The following XIRP2 variants were observed in gnomAD, a reference collection of about 807,000 sequenced individuals.
XIRP2 encodes the protein xin actin-binding repeat-containing protein 2.
XIRP2 carries 236 observed loss-of-function variants against 277.0 expected under a neutral mutation model. The observed-to-expected ratio is 0.85, with a 90% CI of 0.77 to 0.95. The LOEUF (loss-of-function observed/expected upper bound fraction) is 0.95, where lower values mean the gene tolerates loss of function less well. XIRP2 is among the 40% of genes least tolerant of loss of function. The pLI, the probability that XIRP2 is intolerant of heterozygous loss-of-function variation, is 0.00. For missense variants in XIRP2, 4,640 were observed against 4,157.5 expected (o/e 1.12, Z -3.19); for synonymous variants, 1,490 against 1,416.5 (o/e 1.05, Z -1.17).
At chr2:166,908,003 C>A (rs2105341690) in intron 2 of XIRP2, among the ~76,000 whole-genome samples, 1 of 147,618 alleles carries the variant, frequency 6.8e-6, no homozygotes, top group South Asian at 2.2e-4. Context: ...TTTAGTTAAT[C>A]CAGTGTATCA....
intron 2 of XIRP2, among the ~76,000 whole-genome samples, chr2:167,046,972 A>T: frequency 6.6e-6 from 1 of 151,860 alleles, no homozygotes; most frequent in East Asian, 1.9e-4. Context: ...TTTTAAAAAC[A>T]CTATTCTCCA....
At chr2:166,938,224 G>A (rs910727581) in intron 2 of XIRP2, among the ~76,000 whole-genome samples, 5 of 152,204 alleles carry the variant, frequency 3.3e-5, no homozygotes, top group South Asian at 2.1e-4. Context: ...TTTCTCTTGT[G>A]GGCATTTAGT....
At chr2:166,892,086 A>G (rs1287947336) in intron 1 of XIRP2, among the ~76,000 whole-genome samples, 1 of 152,126 alleles carries the variant, frequency 6.6e-6, no homozygotes, top group African/African-American at 2.4e-5. Flanking sequence ...ATATTGCAAA[A>G]TATTTTCCCC....
chr2:167,192,666 G>T (rs868392341), intron 3 of XIRP2, among the ~76,000 whole-genome samples: 2 of 152,168 alleles, frequency 1.3e-5, no homozygotes, highest in South Asian at 4.1e-4. Flanking sequence ...TGACAAGCTT[G>T]ATTTAAAATC....
intron 3 of XIRP2, among the ~76,000 whole-genome samples, chr2:167,167,743 G>T (rs919765094): frequency 3.3e-5 from 5 of 151,872 alleles, no homozygotes; most frequent in African/African-American, 1.2e-4. Context: ...ATACATTATT[G>T]CTATTATTAT....
rs773816724 is a variant in XIRP2 at position 167,248,020 on chromosome 2, T to C, written c.6628T>C (p.Trp2210Arg). ...KKKNINLQPMWQLLPVEQDTS... is the reference protein window; with the variant it reads ...KKKNINLQPMRQLLPVEQDTS... ...AAAGAATATAAACCTTCAACCAATG[T>C]GGCAGCTTTTGCCTGTAGAGCAAGA... Residue 2210 changes from tryptophan (W) to arginine (R), a missense_variant, in exon 9 of 11, where the codon TGG becomes CGG. Coordinates refer to ENST00000409195, the MANE Select transcript of XIRP2 (RefSeq NM_152381.6). The C allele has an allele frequency of 6.2e-7, 1 of 1,613,412 alleles. No homozygotes were observed. Among genetic ancestry groups the C allele is most frequent in the South Asian group, 1.1e-5 (1 of 91,038 alleles).
chr2:167,082,553 G>T (rs1056380793), intron 2 of XIRP2, among the ~76,000 whole-genome samples: 4 of 152,106 alleles, frequency 2.6e-5, no homozygotes, highest in Admixed American at 6.5e-5. Flanking sequence ...CTAGTTTACA[G>T]TCCCACCAAC....
chr2:167,050,959 T>C (rs1478601267), intron 2 of XIRP2, among the ~76,000 whole-genome samples: 1 of 151,986 alleles, frequency 6.6e-6, no homozygotes, highest in African/African-American at 2.4e-5. Context: ...CTCCCTAATA[T>C]ATACACAAAG....
chr2:167,259,064 A>T lies in XIRP2; in HGVS notation c.*1247A>T, dbSNP rs773218385. The T allele has an allele frequency of 4.3e-6, 7 of 1,611,422 alleles. No homozygotes were observed. The highest frequency in any genetic ancestry group is 5.1e-6 in the Non-Finnish European group (6 of 1,178,230). On this transcript the variant is annotated 3_prime_UTR_variant, in exon 11 of 11. Transcript: ENST00000409195. The stretch of plus-strand genomic sequence containing the variant: ...AAATTTACACTTTTTCTTTTCTAAC[A>T]CCGTGAAAATCACTGCATTTTCCAA...
chr2:167,078,832 C>T (rs537075404), intron 2 of XIRP2, among the ~76,000 whole-genome samples: 9 of 62,454 alleles, frequency 1.4e-4, no homozygotes, highest in East Asian at 3.9e-4. Context: ...AGTGAGACTC[C>T]GTCTCAAAAA....
chr2:167,210,865 C>T lies in XIRP2; in HGVS notation c.693C>T (p.Ser231=). 6.2e-7 allele frequency: 1 copy of T among 1,614,086 alleles called. No homozygotes were observed. The highest frequency in any genetic ancestry group is 8.5e-7 in the Non-Finnish European group (1 of 1,179,972). The change falls in exon 4 of 11, where the codon TCC becomes TCT. Residue 231 remains serine (S), a synonymous_variant. Transcript: ENST00000409195. ...ERMARYQAAV[S]RGDCRSFSAN... ...TGGCGAGGTACCAGGCAGCTGTTTC[C>T]AGGGGTGACTGCCGCAGCTTCTCTG...
intron 2 of XIRP2, among the ~76,000 whole-genome samples, chr2:167,025,774 T>C (rs1385203315): frequency 6.6e-6 from 1 of 152,036 alleles, no homozygotes; most frequent in East Asian, 1.9e-4. Flanking sequence ...TTTGAGTGAG[T>C]TTCTTAATCC....
chr2:166,926,223 G>A (rs561850596), intron 2 of XIRP2, among the ~76,000 whole-genome samples: 2 of 152,040 alleles, frequency 1.3e-5, no homozygotes, highest in African/African-American at 4.8e-5. Context: ...CTCATTTCAT[G>A]TTGAAACAAC....
chr2:167,015,401 T>C (rs1476675002), intron 2 of XIRP2, among the ~76,000 whole-genome samples: 1 of 148,776 alleles, frequency 6.7e-6, no homozygotes, highest in African/African-American at 2.5e-5. Flanking sequence ...CCAAACACGA[T>C]GTTGATTATC....
chr2:166,955,423 G>A (rs1246305624), intron 2 of XIRP2, among the ~76,000 whole-genome samples: 1 of 151,688 alleles, frequency 6.6e-6, no homozygotes, highest in Non-Finnish European at 1.5e-5. Context: ...TGAGTATGAG[G>A]GGCAAGAGGA....
At chr2:167,084,227 A>C (rs943452302) in intron 2 of XIRP2, among the ~76,000 whole-genome samples, 3 of 152,128 alleles carry the variant, frequency 2.0e-5, no homozygotes, top group African/African-American at 7.2e-5. Context: ...GGTTCTGTTT[A>C]TATGCTGGAT....
intron 2 of XIRP2, among the ~76,000 whole-genome samples, chr2:167,014,363 A>G (rs1687765285): frequency 6.6e-6 from 1 of 151,816 alleles, no homozygotes; most frequent in African/African-American, 2.4e-5. Flanking sequence ...AACAATAGAT[A>G]TAAAAAGATT....
intron 3 of XIRP2, among the ~76,000 whole-genome samples, chr2:167,183,636 T>C (rs552467494): frequency 3.5e-4 from 54 of 152,298 alleles, no homozygotes; most frequent in African/African-American, 1.2e-3. Flanking sequence ...TCTCTATCTT[T>C]TCATATGTTT....
At chr2:167,019,019 A>G (rs1008020017) in intron 2 of XIRP2, among the ~76,000 whole-genome samples, 1 of 151,994 alleles carries the variant, frequency 6.6e-6, no homozygotes, top group South Asian at 2.1e-4. Context: ...TTGCTGAGCA[A>G]GAGTTTGCTG....
Sources: gnomAD v4.1 joint callset for allele counts (sites outside exome capture counted in the v4.1 genomes callset) on GRCh38, gnomAD v4.1.1 for gene constraint, MANE v1.5 for transcripts, NCBI Gene and HGNC (gene_info 2026-07-23, HGNC 2026-07-21) for gene names.